Variants in POU2F1 observed in about 807,000 individuals in gnomAD.
The protein encoded by POU2F1 is POU class 2 homeobox 1.
In POU2F1, 16 loss-of-function variants were observed where a neutral mutation model predicts 84.9. The ratio of observed to expected loss-of-function variants is 0.19; its 90% CI spans 0.13 to 0.29. The LOEUF (loss-of-function observed/expected upper bound fraction) is 0.29. Among genes scored for constraint, POU2F1 ranks in the 10% least tolerant of loss-of-function variants. POU2F1 has a pLI of 1.00. For missense variants in POU2F1, 738 were observed against 942.6 expected (o/e 0.78, Z 2.84); for synonymous variants, 368 against 368.3 (o/e 1.00, Z 0.01).
rs1191177376 is a variant in POU2F1, at chr1:167,418,817, G to A, written c.*3007G>A. 2 of 151,930 alleles carry A rather than the reference G, an allele frequency of 1.3e-5. No homozygotes were observed. The highest frequency in any genetic ancestry group is 2.9e-5 in the Non-Finnish European group (2 of 67,962). The allele number at this position is 151,930 out of a possible 1,614,324, so 9.4% of individuals were successfully genotyped here. ...ATTTTCTACTCAATTTGGGATAAGG[G>A]GATTTTATGTGAAGCACTTGATGAG... On this transcript the variant is annotated 3_prime_UTR_variant, in exon 16 of 16. Transcript: ENST00000367866.
intron 1 of POU2F1, among the ~76,000 whole-genome samples, chr1:167,244,973 C>G (rs1650204056): frequency 6.6e-6 from 1 of 152,082 alleles, no homozygotes; most frequent in Non-Finnish European, 1.5e-5. Context: ...CTTCTAACAT[C>G]TTTTAGGAAG....
intron 1 of POU2F1, among the ~76,000 whole-genome samples, chr1:167,258,234 A>G (rs929342596): frequency 1.3e-5 from 2 of 152,132 alleles, no homozygotes; most frequent in Admixed American, 1.3e-4. Flanking sequence ...TGCGGGTAAC[A>G]TTTTGCTTCA....
At chr1:167,398,257 A>T in intron 11 of POU2F1, 124 bp downstream of exon 11, 1 of 1,182,056 alleles carries the variant, frequency 8.5e-7, no homozygotes, top group Non-Finnish European at 1.2e-6. Context: ...GATGATTATA[A>T]ATAGGTGAAG....
intron 1 of POU2F1, among the ~76,000 whole-genome samples, chr1:167,243,782 C>G (rs6427079): frequency 0.95 from 145,013 of 152,320 alleles, 69,402 homozygotes; most frequent in East Asian, 1. Flanking sequence ...GGCCTAAACT[C>G]TTTTCTTGAA....
At chr1:167,373,490 C>T (rs1660136961) in intron 5 of POU2F1, among the ~76,000 whole-genome samples, 1 of 152,134 alleles carries the variant, frequency 6.6e-6, no homozygotes, top group South Asian at 2.1e-4. Context: ...AAGAGAACGG[C>T]TATCACCACC....
chr1:167,364,681 C>T (rs950002049), intron 2 of POU2F1, among the ~76,000 whole-genome samples: 2 of 150,724 alleles, frequency 1.3e-5, no homozygotes, highest in South Asian at 4.2e-4. Context: ...GGGCTCAAGC[C>T]ATTCTCCCTC....
intron 2 of POU2F1, among the ~76,000 whole-genome samples, chr1:167,341,076 T>G (rs1657818210): frequency 6.6e-6 from 1 of 152,188 alleles, no homozygotes; most frequent in Non-Finnish European, 1.5e-5. Context: ...AAATCTGTCC[T>G]AAATGTCTCT....
At position 167,220,940 on chromosome 1, in the gene POU2F1, G is replaced by A; in HGVS notation, c.43G>A (p.Ala15Thr). 6.5e-7 allele frequency: 1 copy of A among 1,535,344 alleles called. No homozygotes were observed. The highest frequency in any genetic ancestry group is 8.7e-7 in the Non-Finnish European group (1 of 1,146,770). Reference sequence around the variant, plus strand: ...AGCGAGTCAAGATGAGAGTTCAGCCGCGGCGGCAGCAGCAGCAGGTAATCA... The same window carrying A: ...AGCGAGTCAAGATGAGAGTTCAGCCACGGCGGCAGCAGCAGCAGGTAATCA... The part of the protein sequence containing the change: ...GAASQDESSA[A>T]AAAAADSRMN... The change falls in exon 1 of 16, where the codon GCG becomes ACG. Residue 15 changes from alanine to threonine, a missense_variant. By Grantham distance (58) the Ala-to-Thr change is moderately conservative. This residue lies in a region of POU2F1 where 161 missense variants were observed against 147.0 expected (regional missense o/e 1.10). Transcript: ENST00000367866.
At chr1:167,385,829 T>G (rs1647932817) in intron 8 of POU2F1, among the ~76,000 whole-genome samples, 1 of 152,052 alleles carries the variant, frequency 6.6e-6, no homozygotes, top group African/African-American at 2.4e-5. Context: ...AAACCACAGA[T>G]GGGGAGAAAA....
At chr1:167,224,909 A>G (rs1359036208) in intron 1 of POU2F1, among the ~76,000 whole-genome samples, 3 of 149,778 alleles carry the variant, frequency 2.0e-5, no homozygotes, top group Non-Finnish European at 3.0e-5. Context: ...GCTCACTGCA[A>G]CCTCTGCCTC....
intron 2 of POU2F1, among the ~76,000 whole-genome samples, chr1:167,354,034 T>A (rs923754393): frequency 4.6e-5 from 7 of 152,230 alleles, no homozygotes; most frequent in African/African-American, 1.7e-4. Context: ...GTACCATGGA[T>A]ATTTTATTAC....
intron 1 of POU2F1, among the ~76,000 whole-genome samples, chr1:167,234,259 T>C (rs1372415584): frequency 1.3e-5 from 2 of 152,194 alleles, no homozygotes; most frequent in African/African-American, 4.8e-5. Context: ...CTAGAATCAA[T>C]TGTGCATTCT....
At position 167,420,759 on chromosome 1, in the gene POU2F1, G is replaced by C. The variant is rs1321101668; in HGVS notation, c.*4949G>C. The C allele has an allele frequency of 6.6e-6, 1 of 152,196 alleles. No homozygotes were observed. Among genetic ancestry groups the C allele is most frequent in the East Asian group, 1.9e-4 (1 of 5,186 alleles). 9.4% of individuals were successfully genotyped at this position (152,196 alleles called of 1,614,324 possible). A position where few individuals can be genotyped will look rare whatever the true frequency, so the allele number is the denominator to read the frequency against. On this transcript the variant is annotated 3_prime_UTR_variant, in exon 16 of 16. Transcript: ENST00000367866. ...GGTGTGGTAGCAAGGAGGAGGCAGG[G>C]GATTCACGCTGACAGGTGGCTCTGG...
chr1:167,410,087 C>T (rs371334670), intron 13 of POU2F1, among the ~76,000 whole-genome samples: 2 of 151,952 alleles, frequency 1.3e-5, no homozygotes, highest in Non-Finnish European at 2.9e-5. Flanking sequence ...AAGTAATGAA[C>T]GAAAATAGGA....
intron 1 of POU2F1, among the ~76,000 whole-genome samples, chr1:167,261,433 G>A (rs1651560959): frequency 6.6e-6 from 1 of 152,168 alleles, no homozygotes; most frequent in Non-Finnish European, 1.5e-5. Flanking sequence ...GTTGTAGGTT[G>A]GAGATGTGGT....
chr1:167,229,459 T>C (rs1648895994), intron 1 of POU2F1, among the ~76,000 whole-genome samples: 2 of 152,172 alleles, frequency 1.3e-5, no homozygotes, highest in Admixed American at 1.3e-4. Context: ...ACATTAATAC[T>C]AGGGTTGAAA....
intron 1 of POU2F1, among the ~76,000 whole-genome samples, chr1:167,278,836 T>TAAAATTCTATTTTAAC (rs1308915234): frequency 1.3e-5 from 2 of 152,324 alleles, no homozygotes; most frequent in African/African-American, 2.4e-5. Context: ...TCTATTTTAA[T>TAAAATTCTATTTTAAC]AGAATTTATT....
chr1:167,222,997 T>C (rs1340485756), intron 1 of POU2F1, among the ~76,000 whole-genome samples: 2 of 152,168 alleles, frequency 1.3e-5, no homozygotes, highest in African/African-American at 4.8e-5. Flanking sequence ...AGCTAAATAT[T>C]AGAAATTCCA....
At position 167,294,828 on chromosome 1, in the gene POU2F1, T is replaced by C. The variant is rs539156653; in HGVS notation, c.62-37642T>C. Among the ~76,000 whole-genome samples the C allele has an allele frequency of 7.9e-5, 12 of 152,080 alleles. No individual in the cohort carries two copies. The South Asian group carries it at 2.1e-3, about 26-fold the overall frequency. On this transcript the variant is annotated intron_variant, in intron 1 of 15. Transcript: ENST00000367866. Reference sequence around the variant, plus strand: ...AGCTCTATGAAAAGTAGTGTGGAGATTCCTTAAAGAAGTAACAGTAGAAGG... The same window carrying C: ...AGCTCTATGAAAAGTAGTGTGGAGACTCCTTAAAGAAGTAACAGTAGAAGG...
Sources: gnomAD v4.1 joint callset for allele counts (sites outside exome capture counted in the v4.1 genomes callset) on GRCh38, gnomAD v4.1.1 for gene constraint, gnomAD v4.1.1 regional missense constraint, MANE v1.5 for transcripts, NCBI Gene and HGNC (gene_info 2026-07-23, HGNC 2026-07-21) for gene names.